The following DENND1A variants were observed in gnomAD, a reference collection of about 807,000 sequenced individuals.
The protein encoded by DENND1A is DENN domain containing 1A.
DENND1A carries 51 observed loss-of-function variants against 113.7 expected under a neutral mutation model. The ratio of observed to expected loss-of-function variants is 0.45; its 90% confidence interval spans 0.36 to 0.57. The LOEUF (loss-of-function observed/expected upper bound fraction) is 0.57, where lower values mean the gene tolerates loss of function less well. DENND1A is among the 20% of genes least tolerant of loss of function. DENND1A has a pLI of 0.00. For missense variants in DENND1A, 1,258 were observed against 1,395.9 expected, an observed-to-expected ratio of 0.90 and a Z score of 1.57; for synonymous variants, 565 against 570.8, an observed-to-expected ratio of 0.99 and a Z score of 0.14.
At chr9:123,785,439 A>C (rs1831993463) in intron 3 of DENND1A, among the ~76,000 whole-genome samples, 1 of 152,176 alleles carries the variant, frequency 6.6e-6, no homozygotes, top group Non-Finnish European at 1.5e-5. Context: ...AAGGTGATAT[A>C]TTTTACTAGT....
chr9:123,439,765 G>A (rs1406192392), intron 19 of DENND1A: 1 of 152,072 alleles, frequency 6.6e-6, no homozygotes, highest in African/African-American at 2.4e-5. Flanking sequence ...GTAGGAAGGG[G>A]ATACAAAATT....
Position 123,614,823 on chromosome 9 carries a change from T to C in DENND1A, c.720-5342A>G, listed in dbSNP as rs116100355. On this transcript the variant is annotated intron_variant, in intron 10 of 23. Transcript: ENST00000394215. The stretch of plus-strand genomic sequence containing the variant: ...GAGGGCCACCACCTTCTTAATTAAA[T>C]ACCCTGATCAGGCAAAGGGGATCCC... Among the ~76,000 whole-genome samples, 254 of 152,304 alleles carry C rather than the reference T, an allele frequency of 1.7e-3. 1 individual carries two copies. Among genetic ancestry groups the C allele is most frequent in the African/African-American group, 5.3e-3 (222 of 41,562 alleles).
chr9:123,710,683 T>TG (rs1219008254), intron 5 of DENND1A, among the ~76,000 whole-genome samples: 3 of 151,814 alleles, frequency 2.0e-5, no homozygotes, highest in African/African-American at 7.3e-5. Context: ...GTTTTTTTTT[T>TG]TTTTTTGAGA....
intron 5 of DENND1A, among the ~76,000 whole-genome samples, chr9:123,687,123 G>C (rs554754583): frequency 6.6e-6 from 1 of 152,244 alleles, no homozygotes; most frequent in South Asian, 2.1e-4. Context: ...GGTAAAGAAA[G>C]GAAGAAGGAG....
chr9:123,468,573 G>A (rs1197854648), intron 13 of DENND1A, among the ~76,000 whole-genome samples: 1 of 152,130 alleles, frequency 6.6e-6, no homozygotes, highest in Non-Finnish European at 1.5e-5. Flanking sequence ...TCCCTGCTGG[G>A]GCCTCAGCAT....
chr9:123,436,906 C>T (rs1480569074), intron 19 of DENND1A, among the ~76,000 whole-genome samples: 1 of 152,154 alleles, frequency 6.6e-6, no homozygotes, highest in Non-Finnish European at 1.5e-5. Flanking sequence ...TGCCATGACA[C>T]CCGGCCAATT....
At chr9:123,627,295 C>T (rs1018236599) in intron 10 of DENND1A, among the ~76,000 whole-genome samples, 2 of 152,200 alleles carry the variant, frequency 1.3e-5, no homozygotes, top group African/African-American at 4.8e-5. Flanking sequence ...GGTGAAAAAC[C>T]CAGGAGCAGT....
chr9:123,625,510 G>A lies in DENND1A; in HGVS notation c.719+4866C>T, dbSNP rs185225950. On this transcript the variant is annotated intron_variant, in intron 10 of 23. Transcript: ENST00000394215. ...TGTAATCCCAGTACTTTGGGAGGCT[G>A]AGGCAGGTGGATCACCTGAAGTCAG... Among the ~76,000 whole-genome samples, 665 of 152,336 alleles carry A rather than the reference G, an allele frequency of 4.4e-3. 17 individuals are homozygous for A. The highest frequency in any genetic ancestry group is 7.5e-4 in the Non-Finnish European group (51 of 68,030).
intron 3 of DENND1A, among the ~76,000 whole-genome samples, chr9:123,782,540 T>C (rs915648773): frequency 1.3e-5 from 2 of 152,160 alleles, no homozygotes; most frequent in Non-Finnish European, 2.9e-5. Context: ...GTCCTAGAGA[T>C]CTGGACACGA....
intron 2 of DENND1A, among the ~76,000 whole-genome samples, chr9:123,819,660 C>T (rs1838141376): frequency 1.3e-5 from 2 of 152,120 alleles, no homozygotes; most frequent in Non-Finnish European, 2.9e-5. Context: ...GCCTCGGCCT[C>T]GCAAGTAGCT....
intron 1 of DENND1A, among the ~76,000 whole-genome samples, chr9:123,911,632 T>G (rs1853982646): frequency 6.6e-6 from 1 of 152,154 alleles, no homozygotes; most frequent in African/African-American, 2.4e-5. Flanking sequence ...AAGATTCCAT[T>G]TATATGAAGT....
chr9:123,612,883 C>T (rs1416640707), intron 10 of DENND1A, among the ~76,000 whole-genome samples: 1 of 152,216 alleles, frequency 6.6e-6, no homozygotes, highest in East Asian at 1.9e-4. Context: ...CTCTGACGTA[C>T]CTGGCACAGC....
At chr9:123,897,770 C>T (rs1288048699) in intron 1 of DENND1A, among the ~76,000 whole-genome samples, 1 of 151,996 alleles carries the variant, frequency 6.6e-6, no homozygotes, top group Non-Finnish European at 1.5e-5. Context: ...GAGTTCAAGA[C>T]CAGCCTGGGG....
At chr9:123,467,530 C>T (rs567260567) in intron 13 of DENND1A, among the ~76,000 whole-genome samples, 7 of 152,248 alleles carry the variant, frequency 4.6e-5, no homozygotes, top group African/African-American at 1.7e-4. Context: ...TGGCGGGCGC[C>T]TGTAATCCCA....
At chr9:123,800,604 A>G (rs1834477507) in intron 2 of DENND1A, among the ~76,000 whole-genome samples, 1 of 152,214 alleles carries the variant, frequency 6.6e-6, no homozygotes. Flanking sequence ...GTGACTCAAC[A>G]ATAAGAATAC....
At chr9:123,901,883 G>A (rs1851690236) in intron 1 of DENND1A, among the ~76,000 whole-genome samples, 1 of 152,012 alleles carries the variant, frequency 6.6e-6, no homozygotes, top group Admixed American at 6.6e-5. Context: ...GTGGGCGCCT[G>A]TAGTCCCAGC....
chr9:123,654,870 G>A (rs1210295057), intron 8 of DENND1A, among the ~76,000 whole-genome samples: 4 of 152,188 alleles, frequency 2.6e-5, no homozygotes, highest in Non-Finnish European at 4.4e-5. Context: ...AGCCGTGGGA[G>A]CACCTGTGGG....
At chr9:123,425,889 A>G (rs2045685911) in intron 19 of DENND1A, among the ~76,000 whole-genome samples, 1 of 152,254 alleles carries the variant, frequency 6.6e-6, no homozygotes, top group Admixed American at 6.5e-5. Context: ...GAGGAAAATC[A>G]TTCCTGGCAG....
At chr9:123,531,539 TC>T (rs2055299800) in intron 13 of DENND1A, among the ~76,000 whole-genome samples, 1 of 74,440 alleles carries the variant, frequency 1.3e-5, no homozygotes. Context: ...ATCCTTCTCT[TC>T]CCCCCTCTCT....
Sources: allele counts gnomAD v4.1 joint callset (sites outside exome capture counted in the v4.1 genomes callset), GRCh38; gene constraint gnomAD v4.1.1; transcripts MANE v1.5; gene names NCBI Gene and HGNC (gene_info 2026-07-23, HGNC 2026-07-21).